The following WDHD1 variants were observed in gnomAD, a reference collection of about 807,000 sequenced individuals.
The protein encoded by WDHD1 is WD repeat and HMG-box DNA binding protein 1, also known as WD repeat and HMG-box DNA-binding protein 1.
In WDHD1, 111 loss-of-function variants were observed where a neutral mutation model predicts 135.4. The observed-to-expected ratio is 0.82, with a 90% confidence interval of 0.70 to 0.96. The LOEUF (loss-of-function observed/expected upper bound fraction) is 0.96, where lower values mean the gene tolerates loss of function less well. WDHD1 is among the 40% of genes least tolerant of loss of function. The probability of loss-of-function intolerance (pLI) is 0.00; values close to 1 mark genes in which losing one functional copy is unlikely to be tolerated. For missense variants in WDHD1, 1,351 were observed against 1,336.3 expected (o/e 1.01, Z -0.17); for synonymous variants, 434 against 439.0 (o/e 0.99, Z 0.14).
intron 24 of WDHD1, among the ~76,000 whole-genome samples, chr14:54,947,835 G>A (rs909280185): frequency 1.6e-4 from 24 of 151,622 alleles, no homozygotes; most frequent in African/African-American, 4.8e-4. Context: ...CAAGTGATCC[G>A]CCCACCTCAG....
chr14:55,004,832 G>A (rs1384757700), intron 7 of WDHD1: 1 of 495,960 alleles, frequency 2.0e-6, no homozygotes, highest in Non-Finnish European at 4.0e-6. Flanking sequence ...CTCAGTGGTT[G>A]TTCCTATGCA....
chr14:54,966,802 G>A (rs1172733727), intron 17 of WDHD1, among the ~76,000 whole-genome samples, 196 bp from the exon 18 acceptor site: 5 of 152,166 alleles, frequency 3.3e-5, no homozygotes, highest in Admixed American at 3.3e-4. Context: ...AAAGGCAGCT[G>A]GGGAGGAATA....
At chr14:54,970,880 G>A (rs1022051162) in intron 16 of WDHD1, among the ~76,000 whole-genome samples, 1 of 152,094 alleles carries the variant, frequency 6.6e-6, no homozygotes, top group African/African-American at 2.4e-5. Context: ...TGGCACTGGT[G>A]CACAAACAGA....
At chr14:54,997,911 C>CAA (rs769506329) in intron 10 of WDHD1, among the ~76,000 whole-genome samples, 1 of 104,476 alleles carries the variant, frequency 9.6e-6, no homozygotes, top group Non-Finnish European at 2.0e-5. Flanking sequence ...AACTCCGTCT[C>CAA]AAAAAAAAAA....
intron 11 of WDHD1, among the ~76,000 whole-genome samples, chr14:54,994,041 T>C (rs1209107281): frequency 6.6e-6 from 1 of 152,182 alleles, no homozygotes; most frequent in East Asian, 1.9e-4. Context: ...TGTTCAAGTG[T>C]TATTGTAGCA....
intron 18 of WDHD1, 102 bp downstream of exon 18, chr14:54,966,373 T>A: frequency 1.5e-6 from 2 of 1,355,038 alleles, no homozygotes; most frequent in Non-Finnish European, 1.9e-6. Flanking sequence ...AACTTAAGAA[T>A]CTTAGGTTGT....
intron 25 of WDHD1, among the ~76,000 whole-genome samples, chr14:54,942,565 A>G (rs939209176): frequency 7.9e-5 from 12 of 151,966 alleles, no homozygotes; most frequent in African/African-American, 2.4e-5. Flanking sequence ...TCCGACTCCA[A>G]CCCCTGGCAA....
At position 55,002,137 on chromosome 14, in the gene WDHD1, A is replaced by G; in HGVS notation, c.649T>C (p.Ser217Pro). 1 of 1,607,638 alleles carries G rather than the reference A, an allele frequency of 6.2e-7. No homozygotes were observed. The highest frequency in any genetic ancestry group is 1.7e-5 in the Admixed American group (1 of 57,482). The part of the protein sequence containing the change: ...EKSVKLYRRE[S>P]WSHQFDLSDN... ...GAAAGATCAAATTGATGACTCCAAG[A>G]TTCTCTTCTATATAGCTTAACAGAT... Residue 217 changes from serine (S) to proline (P), a missense_variant, in exon 8 of 26, where the codon TCT (serine) becomes CCT (proline). By Grantham distance (74) the Ser-to-Pro change is moderately conservative. This residue lies in a region of WDHD1 where 1,330 missense variants were observed against 1,296.1 expected (regional missense o/e 1.03). Coordinates refer to ENST00000360586, the MANE Select transcript of WDHD1 (RefSeq NM_007086.4).
chr14:54,993,484 C>T (rs1353530582), intron 11 of WDHD1, among the ~76,000 whole-genome samples: 2 of 152,168 alleles, frequency 1.3e-5, no homozygotes, highest in African/African-American at 4.8e-5. Flanking sequence ...TTACACTTTG[C>T]AAGTAATCTT....
At chr14:54,959,122 G>A (rs529131575) in intron 21 of WDHD1, among the ~76,000 whole-genome samples, 1 of 152,084 alleles carries the variant, frequency 6.6e-6, no homozygotes, top group African/African-American at 2.4e-5. Context: ...TGTAATCCCA[G>A]CACTTTGGGA....
At position 54,984,639 on chromosome 14, in the gene WDHD1, A is replaced by T. The variant is rs967409637; in HGVS notation, c.1906+84T>A. The T allele has an allele frequency of 5.3e-6, 6 of 1,136,576 alleles. No individual in the cohort carries two copies. The African/African-American group carries it at 9.8e-5, about 19-fold the overall frequency. 70.4% of individuals were successfully genotyped at this position (1,136,576 alleles called of 1,614,324 possible). On this transcript the variant is annotated intron_variant, in intron 15 of 25. Coordinates refer to ENST00000360586, the MANE Select transcript of WDHD1 (RefSeq NM_007086.4). ...ATAATTTATTCTTAAATTAATTAGG[A>T]ATAAAACAATGAAATAATTTTCTTC...
intron 24 of WDHD1, among the ~76,000 whole-genome samples, chr14:54,946,986 T>G (rs1270368693): frequency 6.6e-6 from 1 of 151,410 alleles, no homozygotes; most frequent in Non-Finnish European, 1.5e-5. Context: ...GAGGTTGCAG[T>G]GAGCTGAGAT....
rs1566697871 is a variant in WDHD1 at position 54,939,835 on chromosome 14, C to T, written c.*1655G>A. 2 of 152,120 alleles carry T rather than the reference C, an allele frequency of 1.3e-5. No homozygotes were observed. Among genetic ancestry groups the T allele is most frequent in the Non-Finnish European group, 2.9e-5 (2 of 68,006 alleles). 9.4% of individuals were successfully genotyped at this position (152,120 alleles called of 1,614,324 possible). A position where few individuals can be genotyped will look rare whatever the true frequency, so the allele number is the denominator to read the frequency against. On this transcript the variant is annotated 3_prime_UTR_variant, in exon 26 of 26. Coordinates refer to ENST00000360586, the MANE Select transcript of WDHD1 (RefSeq NM_007086.4). ...AGCATTAGGTTGGCACAAAAGAAAT[C>T]GCGGTTTTTGCCACTGAAATGGCGA...
chr14:55,012,538 T>C (rs890052385), intron 3 of WDHD1, among the ~76,000 whole-genome samples: 3 of 152,204 alleles, frequency 2.0e-5, no homozygotes, highest in African/African-American at 2.4e-5. Flanking sequence ...TCTAGAACAA[T>C]TCCTTAAGTT....
intron 4 of WDHD1, among the ~76,000 whole-genome samples, chr14:55,009,970 G>A (rs894910976): frequency 1.3e-5 from 2 of 148,980 alleles, no homozygotes; most frequent in Non-Finnish European, 3.0e-5. Flanking sequence ...ACAGGCACCC[G>A]CCACCACACC....
chr14:55,000,543 T>C lies in WDHD1; in HGVS notation c.902A>G (p.Glu301Gly). The C allele has an allele frequency of 1.2e-6, 2 of 1,606,934 alleles. No homozygotes were observed. Among genetic ancestry groups the C allele is most frequent in the South Asian group, 1.1e-5 (1 of 90,056 alleles). Residue 301 changes from glutamate (E) to glycine (G), a missense_variant, in exon 10 of 26, where the codon GAG becomes GGG. Physicochemically the swap from Glu to Gly is moderately conservative, Grantham distance 98. Around this residue, in one of 2 missense-constraint regions of WDHD1, gnomAD observed 1,330 missense variants for 1,296.1 expected, o/e 1.03. Coordinates refer to ENST00000360586, the MANE Select transcript of WDHD1 (RefSeq NM_007086.4). ...TDAEGNLGLL[E>G]NVCDPSGKTS... ...CTTTCCACTGGGGTCACAAACATTCTCTAGAAGCCCTAGATTTCCTTCCGC... is the reference window on the plus strand; with the variant it reads ...CTTTCCACTGGGGTCACAAACATTCCCTAGAAGCCCTAGATTTCCTTCCGC...
chr14:55,020,899 A>T (rs144829586), intron 2 of WDHD1, among the ~76,000 whole-genome samples: 18 of 152,344 alleles, frequency 1.2e-4, no homozygotes, highest in Admixed American at 2.6e-4. Flanking sequence ...GGAAAATCAT[A>T]AAGAGGAGAA....
chr14:54,944,013 T>G (rs2040879078), intron 25 of WDHD1, among the ~76,000 whole-genome samples: 1 of 152,060 alleles, frequency 6.6e-6, no homozygotes, highest in Non-Finnish European at 1.5e-5. Flanking sequence ...CATATTACCA[T>G]ATATCCGCAC....
intron 24 of WDHD1, among the ~76,000 whole-genome samples, chr14:54,946,293 C>A (rs986410841): frequency 3.3e-4 from 50 of 152,170 alleles, no homozygotes; most frequent in African/African-American, 1.2e-3. Flanking sequence ...CTTAAGCAAC[C>A]CTTCTGACTC....
Sources: allele counts gnomAD v4.1 joint callset (sites outside exome capture counted in the v4.1 genomes callset), GRCh38; gene constraint gnomAD v4.1.1; regional missense constraint gnomAD v4.1.1; transcripts MANE v1.5; gene names NCBI Gene and HGNC (gene_info 2026-07-23, HGNC 2026-07-21).